DOCK7: variants seen among roughly 807,000 people sequenced by gnomAD.
DOCK7 encodes dedicator of cytokinesis protein 7.
In DOCK7, 138 loss-of-function variants were observed where a neutral mutation model predicts 271.0. The observed-to-expected ratio is 0.51, with a 90% CI of 0.44 to 0.59. DOCK7 has a LOEUF of 0.59. DOCK7 is among the 20% of genes least tolerant of loss of function. The pLI is 0.00. For missense variants in DOCK7, 2,066 were observed against 2,592.4 expected, an observed-to-expected ratio of 0.80 and a Z score of 4.41; for synonymous variants, 823 against 876.1, an observed-to-expected ratio of 0.94 and a Z score of 1.07.
chr1:62,601,821 C>T, intron 14 of DOCK7: 1 of 1,610,244 alleles, frequency 6.2e-7, no homozygotes, highest in South Asian at 1.1e-5. Context: ...ATACAAGTGG[C>T]ATGTATGCCA....
chr1:62,625,704 C>T (rs1173753223), intron 11 of DOCK7, among the ~76,000 whole-genome samples: 1 of 152,090 alleles, frequency 6.6e-6, no homozygotes, highest in Non-Finnish European at 1.5e-5. Context: ...AAATGTTTAC[C>T]ACAGGAAAAT....
At chr1:62,488,895 TTTTCCC>T in intron 42 of DOCK7, 33 bp downstream of exon 42, 1 of 1,612,610 alleles carries the variant, frequency 6.2e-7, no homozygotes, top group Non-Finnish European at 8.5e-7. Flanking sequence ...TCAGACAGTT[TTTTCCC>T]TTTATAGTGA....
chr1:62,633,880 A>G, intron 9 of DOCK7: 1 of 230,752 alleles, frequency 4.3e-6, no homozygotes, highest in Non-Finnish European at 8.4e-6. Context: ...ACAAGACAAG[A>G]ATGCCCACAT....
chr1:62,605,066 G>T, intron 14 of DOCK7: 1 of 409,746 alleles, frequency 2.4e-6, no homozygotes, highest in Non-Finnish European at 4.4e-6. Context: ...AATTTTAGAT[G>T]GTCACAATCT....
chr1:62,679,026 C>T (rs184667280), intron 1 of DOCK7, among the ~76,000 whole-genome samples: 341 of 152,114 alleles, frequency 2.2e-3, no homozygotes, highest in Middle Eastern at 0.01. Context: ...ATACTATGTA[C>T]CCACAAATAT....
At chr1:62,659,730 T>C (rs934799085) in intron 2 of DOCK7, among the ~76,000 whole-genome samples, 5 of 152,072 alleles carry the variant, frequency 3.3e-5, no homozygotes, top group African/African-American at 1.2e-4. Flanking sequence ...AGGCGACAAT[T>C]ATTCAAAAGA....
intron 7 of DOCK7, among the ~76,000 whole-genome samples, chr1:62,642,751 C>T (rs1363259462): frequency 6.6e-6 from 1 of 152,138 alleles, no homozygotes; most frequent in Non-Finnish European, 1.5e-5. Context: ...GTTCATCATT[C>T]TTCTACCTAA....
At chr1:62,466,196 TGTTG>T (rs1276744530) in intron 48 of DOCK7, among the ~76,000 whole-genome samples, 2 of 152,064 alleles carry the variant, frequency 1.3e-5, no homozygotes, top group Non-Finnish European at 2.9e-5. Flanking sequence ...GGTTTTTTTT[TGTTG>T]TTGTTGTTGT....
intron 40 of DOCK7, among the ~76,000 whole-genome samples, chr1:62,493,216 CTT>C (rs767590621): frequency 2.0e-5 from 3 of 152,072 alleles, no homozygotes; most frequent in Admixed American, 1.3e-4. Context: ...AAAATGGTCT[CTT>C]GACTTATCTA....
At chr1:62,601,983 G>C in intron 14 of DOCK7, 2 of 693,288 alleles carry the variant, frequency 2.9e-6, no homozygotes, top group Non-Finnish European at 5.1e-6. Context: ...ATATATATAT[G>C]AAATATATAT....
At chr1:62,475,384 C>A in intron 46 of DOCK7, 33 bp from the exon 47 acceptor site, 1 of 1,597,746 alleles carries the variant, frequency 6.3e-7, no homozygotes, top group East Asian at 2.2e-5. Context: ...AATCAGTGTA[C>A]TGACTGAAAA....
chr1:62,668,613 G>T (rs1427691885), intron 1 of DOCK7, among the ~76,000 whole-genome samples: 2 of 152,150 alleles, frequency 1.3e-5, no homozygotes, highest in Non-Finnish European at 2.9e-5. Flanking sequence ...TCAGTTGGAG[G>T]CTTCAGCAGT....
At chr1:62,579,124 T>A (rs1018894145) in intron 16 of DOCK7, among the ~76,000 whole-genome samples, 158 bp from the exon 17 acceptor site, 1 of 152,154 alleles carries the variant, frequency 6.6e-6, no homozygotes, top group Admixed American at 6.5e-5. Context: ...AATAACTAAA[T>A]CTTACTTCCA....
At chr1:62,619,753 TAA>T (rs764930877) in intron 13 of DOCK7, 145 bp downstream of exon 13, 2 of 475,338 alleles carry the variant, frequency 4.2e-6, no homozygotes, top group Non-Finnish European at 7.5e-6. Context: ...ACATGATAGT[TAA>T]TAAAGTGAAG....
chr1:62,632,058 C>T (rs78836422), intron 10 of DOCK7, among the ~76,000 whole-genome samples: 1 of 152,128 alleles, frequency 6.6e-6, no homozygotes, highest in Non-Finnish European at 1.5e-5. Flanking sequence ...AGGTGGCCTG[C>T]AAAAGCCAAT....
intron 1 of DOCK7, among the ~76,000 whole-genome samples, chr1:62,671,890 A>G (rs1660051344): frequency 6.6e-6 from 1 of 152,092 alleles, no homozygotes; most frequent in African/African-American, 2.4e-5. Context: ...GGCTGGTTAC[A>G]GAATTACTTT....
At chr1:62,529,567 TCATA>T (rs1645114776) in intron 29 of DOCK7, 121 bp from the exon 30 acceptor site, 2 of 647,190 alleles carry the variant, frequency 3.1e-6, no homozygotes, top group Non-Finnish European at 4.6e-6. Context: ...CTTACCTTTG[TCATA>T]TATTTGCATG....
intron 12 of DOCK7, among the ~76,000 whole-genome samples, chr1:62,620,746 G>A (rs1258126980): frequency 1.3e-5 from 2 of 151,590 alleles, no homozygotes; most frequent in East Asian, 3.9e-4. Context: ...TAGCCGGGCG[G>A]GATGGCAGGC....
chr1:62,467,232 G>A (rs1645705658), intron 48 of DOCK7, among the ~76,000 whole-genome samples: 1 of 152,140 alleles, frequency 6.6e-6, no homozygotes, highest in Non-Finnish European at 1.5e-5. Context: ...GACTTCACAG[G>A]TTTTACAACA....
Sources: gnomAD v4.1 joint callset for allele counts (sites outside exome capture counted in the v4.1 genomes callset) on GRCh38, gnomAD v4.1.1 for gene constraint, MANE v1.5 for transcripts, NCBI Gene and HGNC (gene_info 2026-07-23, HGNC 2026-07-21) for gene names.